The following PCDHA7 variants were observed in gnomAD, a reference collection of about 807,000 sequenced individuals.
PCDHA7 encodes the protein protocadherin alpha-7.
Under a neutral mutation model 57.2 loss-of-function variants are expected in PCDHA7, and 37 were observed. The ratio of observed to expected loss-of-function variants is 0.65; its 90% CI spans 0.50 to 0.85. The LOEUF (loss-of-function observed/expected upper bound fraction) is 0.85. Ranked by LOEUF, PCDHA7 falls within the 40% of genes least tolerant of loss-of-function variation. The pLI, the probability that PCDHA7 is intolerant of heterozygous loss-of-function variation, is 0.00. For missense variants in PCDHA7, 1,188 were observed against 1,241.8 expected (o/e 0.96, Z 0.65); for synonymous variants, 553 against 558.8 (o/e 0.99, Z 0.15).
At chr5:140,967,144 C>T (rs1042081336) in intron 1 of PCDHA7, 9 of 1,611,144 alleles carry the variant, frequency 5.6e-6, no homozygotes, top group Non-Finnish European at 7.6e-6. Context: ...TGCTGGCGCA[C>T]AACCCCGTGG....
chr5:140,896,192 C>G (rs369443676), intron 1 of PCDHA7, among the ~76,000 whole-genome samples: 1 of 152,162 alleles, frequency 6.6e-6, no homozygotes, highest in African/African-American at 2.4e-5. Context: ...TGAATAGTGC[C>G]ATGATGAACA....
At position 140,835,754 on chromosome 5, in the gene PCDHA7, G is replaced by C. The variant is rs1562349342; in HGVS notation, c.1371G>C (p.Gln457His). The change falls in exon 1 of 4, where the codon CAG becomes CAC. Residue 457 changes from glutamine to histidine, a missense_variant. Physicochemically the swap from Gln to His is conservative, Grantham distance 24 (BLOSUM62 0). This residue lies in a region of PCDHA7 where 892 missense variants were observed against 788.5 expected (regional missense o/e 1.13). Coordinates refer to ENST00000525929, the MANE Select transcript of PCDHA7 (RefSeq NM_018910.3). ...DVNDNAPAFA[Q>H]PEYTVFVKEN... ...ACGACAACGCCCCGGCGTTCGCGCA[G>C]CCCGAGTATACGGTGTTCGTGAAGG... 3.1e-6 allele frequency: 5 copies of C among 1,613,576 alleles called. No individual in the cohort carries two copies. In the Admixed American group the frequency reaches 8.3e-5, roughly 27 times the overall value.
At chr5:140,898,961 G>A (rs1405112699) in intron 1 of PCDHA7, among the ~76,000 whole-genome samples, 1 of 152,036 alleles carries the variant, frequency 6.6e-6, no homozygotes, top group African/African-American at 2.4e-5. Flanking sequence ...AGTTGTGAAT[G>A]GGAGTTCACT....
intron 1 of PCDHA7, among the ~76,000 whole-genome samples, chr5:140,955,521 TC>T (rs2095199105): frequency 6.6e-6 from 1 of 152,142 alleles, no homozygotes; most frequent in Non-Finnish European, 1.5e-5. Context: ...TGCTTTCCCT[TC>T]CACCATGATT....
rs2096268798 is a variant in PCDHA7 at position 140,968,765 on chromosome 5, G to A, written c.2356-10184G>A. 8.1e-6 allele frequency: 13 copies of A among 1,614,078 alleles called. No homozygotes were observed. The East Asian group carries it at 2.2e-4, about 28-fold the overall frequency. On this transcript the variant is annotated intron_variant, in intron 1 of 3. Transcript: ENST00000525929. Reference sequence around the variant, plus strand: ...GACCGTGGTGGTCCGAGATAATGGAGAGCCATCACTATCAGCCTCTGTGGC... The same window carrying A: ...GACCGTGGTGGTCCGAGATAATGGAAAGCCATCACTATCAGCCTCTGTGGC...
intron 1 of PCDHA7, chr5:140,871,565 G>A: frequency 3.4e-6 from 5 of 1,483,114 alleles, no homozygotes; most frequent in South Asian, 1.4e-5. Context: ...TTTTTTTCAC[G>A]GATTTTTTAA....
intron 3 of PCDHA7, among the ~76,000 whole-genome samples, chr5:141,006,870 G>A (rs782345830): frequency 1.1e-4 from 16 of 152,174 alleles, no homozygotes; most frequent in Non-Finnish European, 1.5e-4. Flanking sequence ...GAATAGATTC[G>A]AGGAATCAAG....
chr5:140,969,400 T>C (rs782765994), intron 1 of PCDHA7: 2 of 1,580,682 alleles, frequency 1.3e-6, no homozygotes, highest in South Asian at 2.3e-5. Flanking sequence ...TATCCTGTGA[T>C]TTGGCTTTAT....
intron 1 of PCDHA7, chr5:140,850,513 G>C (rs782718204): frequency 2.5e-6 from 4 of 1,598,108 alleles, no homozygotes; most frequent in Non-Finnish European, 2.6e-6. Flanking sequence ...GTGGAGAGCG[G>C]CCAGGCGCCA....
Position 140,835,544 on chromosome 5 carries a change from C to T in PCDHA7, c.1161C>T (p.Cys387=), listed in dbSNP as rs1773719176. The T allele has an allele frequency of 2.5e-6, 4 of 1,613,968 alleles. No homozygotes were observed. Among genetic ancestry groups the T allele is most frequent in the South Asian group, 2.2e-5 (2 of 91,078 alleles). Residue 387 remains cysteine (C), a synonymous_variant, in exon 1 of 4, where the codon TGC becomes TGT. Coordinates refer to ENST00000525929, the MANE Select transcript of PCDHA7 (RefSeq NM_018910.3). ...TTGGAGTCAACGGACAGGTTACCTG[C>T]TCCCTGACGCCCCGCGTTCCCTTCA... ...RDFGVNGQVT[C]SLTPRVPFKL...
Position 140,835,843 on chromosome 5 carries a change from A to T in PCDHA7, c.1460A>T (p.Asn487Ile). The stretch of plus-strand genomic sequence containing the variant: ...GCGGGGGACGCGGACGCGCAGAAGA[A>T]CGCGCTGGTGTCCTACTCGCTGGTG... ...VSAGDADAQK[N>I]ALVSYSLVEL... is the part of the protein sequence containing the mutation. Residue 487 changes from asparagine (N) to isoleucine (I), a missense_variant, in exon 1 of 4, where the codon AAC (asparagine) becomes ATC (isoleucine). By Grantham distance (149) the Asn-to-Ile change is moderately radical. Coordinates refer to ENST00000525929, the MANE Select transcript of PCDHA7 (RefSeq NM_018910.3). The T allele has an allele frequency of 6.2e-7, 1 of 1,612,338 alleles. No homozygotes were observed. The highest frequency in any genetic ancestry group is 8.5e-7 in the Non-Finnish European group (1 of 1,179,642).
chr5:140,967,147 C>A (rs782815903), intron 1 of PCDHA7: 7 of 1,611,068 alleles, frequency 4.3e-6, no homozygotes, highest in South Asian at 2.2e-5. Flanking sequence ...TGGCGCACAA[C>A]CCCGTGGCGG....
intron 1 of PCDHA7, among the ~76,000 whole-genome samples, chr5:140,904,190 C>T (rs1292555686): frequency 6.6e-6 from 1 of 151,916 alleles, no homozygotes; most frequent in Non-Finnish European, 1.5e-5. Flanking sequence ...CCCTTCCCAC[C>T]CTTTCCCCCT....
intron 1 of PCDHA7, among the ~76,000 whole-genome samples, chr5:140,887,318 G>A (rs1485206878): frequency 6.6e-6 from 1 of 152,010 alleles, no homozygotes; most frequent in Non-Finnish European, 1.5e-5. Context: ...GGATAGTCTC[G>A]AACTCCTGAC....
rs536794003 is a variant in PCDHA7, at chr5:140,982,215, G to A, written c.2415-260G>A. Reference sequence around the variant, plus strand: ...CTGTTAGATTTAGTGAGCGCCACATGGCGTTAATAAAAAACAGAATTGCCA... The same window carrying A: ...CTGTTAGATTTAGTGAGCGCCACATAGCGTTAATAAAAAACAGAATTGCCA... On this transcript the variant is annotated intron_variant, in intron 2 of 3. Coordinates refer to ENST00000525929, the MANE Select transcript of PCDHA7 (RefSeq NM_018910.3). The A allele has an allele frequency of 2.0e-5, 10 of 491,624 alleles. No individual in the cohort carries two copies. In the South Asian group the frequency reaches 3.6e-4, roughly 18 times the overall value. The allele number at this position is 491,624 out of a possible 1,614,324, so 30.5% of individuals were successfully genotyped here. A position where few individuals can be genotyped will look rare whatever the true frequency, so the allele number is the denominator to read the frequency against.
chr5:140,950,512 G>T (rs1239372084), intron 1 of PCDHA7, among the ~76,000 whole-genome samples: 11 of 152,016 alleles, frequency 7.2e-5, no homozygotes, highest in Non-Finnish European at 7.4e-5. Context: ...TATTCCCTGT[G>T]TGCGATATGA....
At chr5:140,916,163 C>G (rs546851152) in intron 1 of PCDHA7, among the ~76,000 whole-genome samples, 1 of 152,066 alleles carries the variant, frequency 6.6e-6, no homozygotes, top group African/African-American at 2.4e-5. Context: ...TGAATGCTGC[C>G]AGGCCTGGGA....
intron 1 of PCDHA7, among the ~76,000 whole-genome samples, chr5:140,950,482 T>C (rs1384931498): frequency 6.6e-6 from 1 of 152,106 alleles, no homozygotes; most frequent in African/African-American, 2.4e-5. Flanking sequence ...TGATGAGAAG[T>C]GTGTAGTCAT....
chr5:140,869,384 A>G, intron 1 of PCDHA7: 1 of 1,614,120 alleles, frequency 6.2e-7, no homozygotes, highest in South Asian at 1.1e-5. Context: ...GACCGCGAGG[A>G]GCTGTGCGGG....
Sources: allele counts gnomAD v4.1 joint callset (sites outside exome capture counted in the v4.1 genomes callset), GRCh38; gene constraint gnomAD v4.1.1; regional missense constraint gnomAD v4.1.1; transcripts MANE v1.5; gene names NCBI Gene and HGNC (gene_info 2026-07-23, HGNC 2026-07-21).